LDAF1: variants seen among roughly 807,000 people sequenced by gnomAD.
LDAF1 encodes lipid droplet assembly factor 1, also known as PROMETHIN.
In LDAF1, 7 loss-of-function variants were observed where a neutral mutation model predicts 13.5. The observed-to-expected ratio is 0.52, with a 90% CI of 0.29 to 0.97. The LOEUF is 0.97. Ranked by LOEUF, LDAF1 falls within the 50% of genes least tolerant of loss-of-function variation. The pLI is 0.07. For missense variants in LDAF1, 148 were observed against 193.2 expected (o/e 0.77, Z 1.39); for synonymous variants, 69 against 77.1 (o/e 0.89, Z 0.55).
At chr16:21,177,583 A>T (rs1367638586) in intron 4 of LDAF1, among the ~76,000 whole-genome samples, 1 of 150,242 alleles carries the variant, frequency 6.7e-6, no homozygotes. Flanking sequence ...TATTGTGAAC[A>T]TGGTTTTCAT....
chr16:21,179,638 G>A lies in LDAF1; in HGVS notation c.*82G>A. The A allele has an allele frequency of 2.3e-6, 3 of 1,290,576 alleles. No individual in the cohort carries two copies. The highest frequency in any genetic ancestry group is 4.7e-5 in the East Asian group (2 of 42,542). 79.9% of individuals were successfully genotyped at this position (1,290,576 alleles called of 1,614,324 possible). The stretch of plus-strand genomic sequence containing the variant: ...TGGGATTATGGCTTAGAAGAAGGGG[G>A]CTGGGTAGGCAAGCACTCCTTGGCT... On this transcript the variant is annotated 3_prime_UTR_variant, in exon 5 of 5. Coordinates refer to ENST00000233047, the MANE Select transcript of LDAF1 (RefSeq NM_001301771.2).
Position 21,173,885 on chromosome 16 carries a change from G to A in LDAF1, c.266-125G>A, listed in dbSNP as rs544344843. 142 of 1,068,018 alleles carry A rather than the reference G, an allele frequency of 1.3e-4. No individual in the cohort carries two copies. In the South Asian group the frequency reaches 2.5e-3, roughly 19 times the overall value. The allele number at this position is 1,068,018 out of a possible 1,614,324, so 66.2% of individuals were successfully genotyped here. On this transcript the variant is annotated intron_variant, in intron 3 of 4. Coordinates refer to ENST00000233047, the MANE Select transcript of LDAF1 (RefSeq NM_001301771.2). ...AGTGATGCTAGAAATCTGGGTTTTT[G>A]TGGGAAATCTTCTTACTTTAATAAT...
intron 2 of LDAF1, among the ~76,000 whole-genome samples, 191 bp downstream of exon 2, chr16:21,161,469 C>T (rs2152841778): frequency 6.6e-6 from 1 of 152,304 alleles, no homozygotes; most frequent in African/African-American, 2.4e-5. Context: ...GAGCATCAGC[C>T]ATTGTATCCA....
chr16:21,176,152 G>A (rs2093136870), intron 4 of LDAF1, among the ~76,000 whole-genome samples: 1 of 152,182 alleles, frequency 6.6e-6, no homozygotes, highest in African/African-American at 2.4e-5. Context: ...GTAACAGGGT[G>A]AGTTCTTAAA....
chr16:21,179,454 T>C (rs770860698), intron 4 of LDAF1, 21 bp from the exon 5 acceptor site: 3 of 1,614,036 alleles, frequency 1.9e-6, no homozygotes, highest in South Asian at 1.1e-5. Flanking sequence ...GAGCTAACGA[T>C]CTCTTCTTGT....
At chr16:21,166,700 T>A (rs566622640) in intron 2 of LDAF1, 17 of 677,926 alleles carry the variant, frequency 2.5e-5, no homozygotes, top group South Asian at 2.3e-4. Flanking sequence ...ATTGTAAAGA[T>A]CAGGTGACAC....
At chr16:21,167,303 T>C (rs1237303305) in intron 2 of LDAF1, among the ~76,000 whole-genome samples, 2 of 152,260 alleles carry the variant, frequency 1.3e-5, no homozygotes, top group Admixed American at 6.5e-5. Context: ...TTTTCATCTG[T>C]TGGCCTGCAA....
intron 4 of LDAF1, chr16:21,178,493 A>C (rs1387484296): frequency 2.4e-5 from 16 of 668,786 alleles, no homozygotes; most frequent in Non-Finnish European, 2.8e-5. Context: ...TTGCTTAATG[A>C]AAAACTGGAG....
chr16:21,179,352 G>A, intron 4 of LDAF1, 123 bp from the exon 5 acceptor site: 1 of 1,578,286 alleles, frequency 6.3e-7, no homozygotes. Context: ...CATAGGCCTG[G>A]TGTGGTTGCA....
intron 2 of LDAF1, chr16:21,166,917 T>G: frequency 6.5e-7 from 1 of 1,535,506 alleles, no homozygotes; most frequent in Non-Finnish European, 8.7e-7. Flanking sequence ...CCAAGGTGAT[T>G]CCTGCTACAG....
chr16:21,179,634 G>C lies in LDAF1; in HGVS notation c.*78G>C. Reference sequence around the variant, plus strand: ...CCCTTGGGATTATGGCTTAGAAGAAGGGGGCTGGGTAGGCAAGCACTCCTT... The same window carrying C: ...CCCTTGGGATTATGGCTTAGAAGAACGGGGCTGGGTAGGCAAGCACTCCTT... On this transcript the variant is annotated 3_prime_UTR_variant, in exon 5 of 5. Transcript: ENST00000233047. The C allele has an allele frequency of 7.3e-7, 1 of 1,365,066 alleles. No homozygotes were observed. The highest frequency in any genetic ancestry group is 1.3e-5 in the South Asian group (1 of 77,416). 84.6% of individuals were successfully genotyped at this position (1,365,066 alleles called of 1,614,324 possible).
chr16:21,159,951 T>C, intron 1 of LDAF1: 1 of 985,056 alleles, frequency 1.0e-6, no homozygotes, highest in Non-Finnish European at 1.2e-6. Flanking sequence ...GAATGTGGGG[T>C]GGTGGGATTA....
intron 2 of LDAF1, 80 bp from the exon 3 acceptor site, chr16:21,170,357 T>G: frequency 6.3e-7 from 1 of 1,586,406 alleles, no homozygotes; most frequent in Non-Finnish European, 8.6e-7. Flanking sequence ...TGCCTTGTAA[T>G]TCCCACAGCT....
At position 21,179,786 on chromosome 16, in the gene LDAF1, C is replaced by T. The variant is rs878991763; in HGVS notation, c.*230C>T. On this transcript the variant is annotated 3_prime_UTR_variant, in exon 5 of 5. Transcript: ENST00000233047. ...AGAAATGCGATGGTTCAACAGCTCG[C>T]CCTGCCCCAAGTATGCAGACTTGAC... is the stretch of plus-strand genomic sequence containing the variant. The T allele has an allele frequency of 4.2e-6, 2 of 479,204 alleles. No homozygotes were observed. The highest frequency in any genetic ancestry group is 2.0e-5 in the African/African-American group (1 of 50,672). The allele number at this position is 479,204 out of a possible 1,614,324, so 29.7% of individuals were successfully genotyped here.
Position 21,180,201 on chromosome 16 carries a change from GAGCTTGTCC to G in LDAF1, c.*646_*654del. 1 of 150,272 alleles carries G rather than the reference GAGCTTGTCC, an allele frequency of 6.7e-6. No homozygotes were observed. Among genetic ancestry groups the G allele is most frequent in the East Asian group, 2.0e-4 (1 of 5,098 alleles). 9.3% of individuals were successfully genotyped at this position (150,272 alleles called of 1,614,324 possible). Reference sequence around the variant, plus strand: ...CTTGGTACTGTTGTATTGTTCTAAAGAGCTTGTCCTTTAAGTAATTTCTTTCTTTTTTTT... The same window carrying G: ...CTTGGTACTGTTGTATTGTTCTAAAGTTTAAGTAATTTCTTTCTTTTTTTT... On this transcript the variant is annotated 3_prime_UTR_variant, in exon 5 of 5. Coordinates refer to ENST00000233047, the MANE Select transcript of LDAF1 (RefSeq NM_001301771.2).
At chr16:21,176,972 G>T (rs2093144297) in intron 4 of LDAF1, among the ~76,000 whole-genome samples, 1 of 150,724 alleles carries the variant, frequency 6.6e-6, no homozygotes, top group South Asian at 2.1e-4. Context: ...TTCTTGTTCT[G>T]AAATAATTAT....
chr16:21,159,214 A>C, intron 1 of LDAF1: 1 of 1,012,488 alleles, frequency 9.9e-7, no homozygotes, highest in Non-Finnish European at 1.6e-6. Flanking sequence ...GAGATCTGCA[A>C]GTATCAAAGG....
chr16:21,166,959 C>G (rs2093030087), intron 2 of LDAF1: 1 of 1,508,906 alleles, frequency 6.6e-7, no homozygotes, highest in Non-Finnish European at 8.9e-7. Context: ...GAATAGCAAG[C>G]TCTTTGGTGG....
Position 21,164,723 on chromosome 16 carries a change from T to C in LDAF1, c.96+3445T>C, listed in dbSNP as rs77534993. On this transcript the variant is annotated intron_variant, in intron 2 of 4. Coordinates refer to ENST00000233047, the MANE Select transcript of LDAF1 (RefSeq NM_001301771.2). Reference sequence around the variant, plus strand: ...CTGCACTGTGCTTACAGAGCCTAGATTGGGTAACCTGTGTCTACCTCCAGG... The same window carrying C: ...CTGCACTGTGCTTACAGAGCCTAGACTGGGTAACCTGTGTCTACCTCCAGG... Among the ~76,000 whole-genome samples, 440 of 152,322 alleles carry C rather than the reference T, an allele frequency of 2.9e-3. 2 individuals are homozygous for C. The highest frequency in any genetic ancestry group is 8.6e-3 in the African/African-American group (356 of 41,566).
Sources: allele counts gnomAD v4.1 joint callset (sites outside exome capture counted in the v4.1 genomes callset), GRCh38; gene constraint gnomAD v4.1.1; transcripts MANE v1.5; gene names NCBI Gene and HGNC (gene_info 2026-07-23, HGNC 2026-07-21).